The following TANGO6 variants were observed in gnomAD, a reference collection of about 807,000 sequenced individuals.
TANGO6 encodes transport and Golgi organization protein 6 homolog.
Under a neutral mutation model 114.2 loss-of-function variants are expected in TANGO6, and 90 were observed. The ratio of observed to expected loss-of-function variants is 0.79; its 90% CI spans 0.66 to 0.94. The LOEUF (loss-of-function observed/expected upper bound fraction) is 0.94, where lower values mean the gene tolerates loss of function less well. Ranked by LOEUF, TANGO6 falls within the 40% of genes least tolerant of loss-of-function variation. The pLI is 0.00. For synonymous variants in TANGO6, 477 were observed against 509.8 expected (o/e 0.94, Z 0.87); for missense variants, 1,274 against 1,315.3 (o/e 0.97, Z 0.49).
intron 15 of TANGO6, among the ~76,000 whole-genome samples, chr16:68,979,507 G>A (rs766526497): frequency 6.6e-6 from 1 of 152,166 alleles, no homozygotes; most frequent in Non-Finnish European, 1.5e-5. Context: ...TGGGATTACA[G>A]GCGTGAGCCA....
At chr16:68,877,323 C>G (rs1233555683) in intron 5 of TANGO6, among the ~76,000 whole-genome samples, 1 of 151,774 alleles carries the variant, frequency 6.6e-6, no homozygotes, top group Non-Finnish European at 1.5e-5. Flanking sequence ...CAAAAATTAG[C>G]TGGGGGTAGT....
chr16:68,945,725 G>T (rs1766319000), intron 14 of TANGO6, among the ~76,000 whole-genome samples: 1 of 150,832 alleles, frequency 6.6e-6, no homozygotes, highest in Non-Finnish European at 1.5e-5. Context: ...TCACTCTGCT[G>T]CCCAGGCTGG....
intron 4 of TANGO6, among the ~76,000 whole-genome samples, chr16:68,868,963 A>G (rs1962223885): frequency 6.6e-6 from 1 of 152,046 alleles, no homozygotes; most frequent in South Asian, 2.1e-4. Flanking sequence ...TTTATATCTC[A>G]GTTTTGGTTA....
At chr16:69,081,775 A>G (rs1340858365) in intron 17 of TANGO6, among the ~76,000 whole-genome samples, 1 of 151,872 alleles carries the variant, frequency 6.6e-6, no homozygotes, top group Non-Finnish European at 1.5e-5. Context: ...TCCCAATTCC[A>G]TATCAGACCA....
At chr16:68,918,731 A>C (rs1052251995) in intron 11 of TANGO6, among the ~76,000 whole-genome samples, 2 of 152,332 alleles carry the variant, frequency 1.3e-5, no homozygotes, top group African/African-American at 4.8e-5. Flanking sequence ...TTGATATGAG[A>C]ACTAAATGAG....
chr16:69,013,581 C>T (rs556053764), intron 15 of TANGO6, among the ~76,000 whole-genome samples: 40 of 149,758 alleles, frequency 2.7e-4, no homozygotes, highest in African/African-American at 9.9e-4. Context: ...TACACCACTG[C>T]ACTCCAACCT....
At chr16:69,081,345 C>T (rs12325031) in intron 17 of TANGO6, among the ~76,000 whole-genome samples, 3,886 of 151,820 alleles carry the variant, frequency 0.026, 169 homozygotes, top group African/African-American at 0.088. Context: ...CCTAGTTGGA[C>T]GAGTTGGTCC....
intron 15 of TANGO6, among the ~76,000 whole-genome samples, chr16:68,978,562 A>G (rs1050013916): frequency 1.3e-5 from 2 of 152,158 alleles, no homozygotes; most frequent in African/African-American, 2.4e-5. Context: ...TTTGAATAAC[A>G]TTAAAGCCCA....
At chr16:68,933,246 C>G (rs1963265286) in intron 14 of TANGO6, among the ~76,000 whole-genome samples, 1 of 152,160 alleles carries the variant, frequency 6.6e-6, no homozygotes, top group South Asian at 2.1e-4. Flanking sequence ...GAAACCCTGT[C>G]CCTGCTAAAA....
chr16:68,956,858 A>G (rs1178212111), intron 14 of TANGO6, among the ~76,000 whole-genome samples: 1 of 151,598 alleles, frequency 6.6e-6, no homozygotes, highest in Non-Finnish European at 1.5e-5. Context: ...GTCTCAAAAG[A>G]AAAAAAAGGA....
chr16:68,952,865 G>T (rs529534338), intron 14 of TANGO6, among the ~76,000 whole-genome samples: 91 of 152,154 alleles, frequency 6.0e-4, no homozygotes, highest in African/African-American at 2.1e-3. Flanking sequence ...TTGCTAAGGT[G>T]TTTCTTAGGA....
At chr16:68,967,946 T>G (rs189379203) in intron 14 of TANGO6, among the ~76,000 whole-genome samples, 15 of 152,314 alleles carry the variant, frequency 9.8e-5, no homozygotes, top group Admixed American at 8.5e-4. Flanking sequence ...TGGGATCATC[T>G]TGAAGTCAAC....
chr16:68,936,693 A>G (rs553613556), intron 14 of TANGO6, among the ~76,000 whole-genome samples: 2 of 152,266 alleles, frequency 1.3e-5, no homozygotes, highest in South Asian at 2.1e-4. Flanking sequence ...GTCACTTTCA[A>G]TTATTTAAAG....
At chr16:68,847,999 C>CAA (rs1329686470) in intron 1 of TANGO6, among the ~76,000 whole-genome samples, 9,247 of 62,102 alleles carry the variant, frequency 0.15, 499 homozygotes, top group Non-Finnish European at 0.22. Flanking sequence ...GACTCCATCA[C>CAA]AAAAAAAAAA....
At chr16:68,933,799 A>C (rs1364729626) in intron 14 of TANGO6, 1 of 152,262 alleles carries the variant, frequency 6.6e-6, no homozygotes, top group African/African-American at 2.4e-5. Flanking sequence ...AGTGGGACAC[A>C]CTACCAAGTC....
chr16:68,859,287 C>T (rs1962050323), intron 1 of TANGO6, among the ~76,000 whole-genome samples: 2 of 152,214 alleles, frequency 1.3e-5, no homozygotes, highest in South Asian at 4.1e-4. Context: ...CCTCCCACCT[C>T]AGCCTCCTGA....
intron 14 of TANGO6, among the ~76,000 whole-genome samples, chr16:68,947,252 TCA>T (rs753162714): frequency 2.5e-4 from 38 of 151,980 alleles, no homozygotes; most frequent in Non-Finnish European, 4.7e-4. Context: ...GGTCAGGAAA[TCA>T]AGACCATCCT....
intron 15 of TANGO6, among the ~76,000 whole-genome samples, chr16:68,981,571 T>G (rs1182856778): frequency 6.6e-6 from 1 of 152,220 alleles, no homozygotes; most frequent in Non-Finnish European, 1.5e-5. Context: ...AATATGTTCC[T>G]GATATTACTA....
intron 4 of TANGO6, among the ~76,000 whole-genome samples, chr16:68,871,365 A>G (rs1962264609): frequency 2.0e-5 from 3 of 151,662 alleles, no homozygotes; most frequent in Admixed American, 1.3e-4. Flanking sequence ...TTTGATTATG[A>G]TGTACCTTGG....
Sources: allele counts gnomAD v4.1 joint callset (sites outside exome capture counted in the v4.1 genomes callset), GRCh38; gene constraint gnomAD v4.1.1; transcripts MANE v1.5; gene names NCBI Gene and HGNC (gene_info 2026-07-23, HGNC 2026-07-21).